NMT2: variants seen among roughly 807,000 people sequenced by gnomAD.
NMT2 encodes the protein N-myristoyltransferase 2.
Under a neutral mutation model 65.4 loss-of-function variants are expected in NMT2, and 35 were observed. That is an observed-to-expected ratio of 0.54 (90% CI 0.41 to 0.71). The LOEUF is 0.71. NMT2 is among the 30% of genes least tolerant of loss of function. The pLI is 0.00. For missense variants in NMT2, 489 were observed against 611.3 expected (o/e 0.80, Z 2.11); for synonymous variants, 226 against 231.8 (o/e 0.98, Z 0.23).
Position 15,130,297 on chromosome 10 carries a change from T to C in NMT2, c.735A>G (p.Val245=), listed in dbSNP as rs1846233195. 3 of 1,590,490 alleles carry C rather than the reference T, an allele frequency of 1.9e-6. No homozygotes were observed. Among genetic ancestry groups the C allele is most frequent in the Non-Finnish European group, 2.6e-6 (3 of 1,167,752 alleles). ...TATGAACACAAAGAAAGTTGATTTC[T>C]ACCATCTTCTTCACACTAAGAAATA... is the stretch of plus-strand genomic sequence containing the variant. ...IRIYDSVKKM[V]EINFLCVHKK... Residue 245 remains valine, a synonymous_variant, in exon 7 of 12, where the codon GTA becomes GTG. Transcript: ENST00000378165.
In NMT2 at chr10:15,109,044, G is replaced by A. The variant is rs1227597918; in HGVS notation, c.*151C>T. 2.0e-6 allele frequency: 3 copies of A among 1,487,686 alleles called. No individual in the cohort carries two copies. Among genetic ancestry groups the A allele is most frequent in the African/African-American group, 2.9e-5 (2 of 69,488 alleles). The allele number at this position is 1,487,686 out of a possible 1,614,324, so 92.2% of individuals were successfully genotyped here. A position where few individuals can be genotyped will look rare whatever the true frequency, so the allele number is the denominator to read the frequency against. ...ACATTCTAGCTAGAAACGTACAAAT[G>A]TCACATGTGGACTTTTGTCATCTTT... On this transcript the variant is annotated 3_prime_UTR_variant, in exon 12 of 12. Transcript: ENST00000378165.
At position 15,141,421 on chromosome 10, in the gene NMT2, C is replaced by T. The variant is rs1192386852; in HGVS notation, c.246+1G>A. 6.2e-7 allele frequency: 1 copy of T among 1,613,802 alleles called. No individual in the cohort carries two copies. Among genetic ancestry groups the T allele is most frequent in the Non-Finnish European group, 8.5e-7 (1 of 1,179,994 alleles). On this transcript the variant is annotated splice_donor_variant, in intron 2 of 11. Transcript: ENST00000378165. LOFTEE classifies it high-confidence loss of function. The stretch of plus-strand genomic sequence containing the variant: ...AGGAAAAAATAAAACAGAGCTCTCA[C>T]TTTCGAAGGCTGCTGAATTTTAATC...
chr10:15,155,137 G>A (rs778599552), intron 1 of NMT2: 3 of 1,506,130 alleles, frequency 2.0e-6, no homozygotes, highest in South Asian at 2.2e-5. Flanking sequence ...TCACCACCCT[G>A]ACACAAAAGC....
chr10:15,135,663 C>T (rs1227032436), intron 2 of NMT2, among the ~76,000 whole-genome samples: 1 of 152,090 alleles, frequency 6.6e-6, no homozygotes, highest in African/African-American at 2.4e-5. Context: ...AATTGAAGCA[C>T]GCTTTGCTTC....
chr10:15,161,108 A>C (rs928648792), intron 1 of NMT2, among the ~76,000 whole-genome samples: 5 of 150,026 alleles, frequency 3.3e-5, no homozygotes, highest in African/African-American at 9.8e-5. Flanking sequence ...AAAAAAAAAA[A>C]AACACAAAGA....
intron 1 of NMT2, among the ~76,000 whole-genome samples, chr10:15,152,772 A>C (rs1832847420): frequency 1.3e-5 from 2 of 152,244 alleles, no homozygotes; most frequent in Non-Finnish European, 2.9e-5. Flanking sequence ...AGGGAGGGTT[A>C]GTGAAGGAAG....
At chr10:15,128,183 C>T (rs1471440961) in intron 8 of NMT2, among the ~76,000 whole-genome samples, 167 bp downstream of exon 8, 1 of 152,244 alleles carries the variant, frequency 6.6e-6, no homozygotes, top group Non-Finnish European at 1.5e-5. Flanking sequence ...CATTTCCAAA[C>T]AAACTCCCTA....
intron 1 of NMT2, among the ~76,000 whole-genome samples, chr10:15,143,521 C>T (rs1223010101): frequency 6.6e-6 from 1 of 152,214 alleles, no homozygotes; most frequent in Non-Finnish European, 1.5e-5. Context: ...AAGTAGATGC[C>T]TATCCAACTG....
chr10:15,106,018 A>G lies in NMT2; in HGVS notation c.*3177T>C. On this transcript the variant is annotated 3_prime_UTR_variant, in exon 12 of 12. Transcript: ENST00000378165. ...CAGTTATTTATTTTACTTTCGAGATAGAGTCTCACTCTGTTGCCCAGGCTG... is the reference window on the plus strand; with the variant it reads ...CAGTTATTTATTTTACTTTCGAGATGGAGTCTCACTCTGTTGCCCAGGCTG... 4.8e-6 allele frequency: 2 copies of G among 416,850 alleles called. No individual in the cohort carries two copies. The highest frequency in any genetic ancestry group is 9.4e-6 in the Non-Finnish European group (2 of 212,058). 25.8% of individuals were successfully genotyped at this position (416,850 alleles called of 1,614,324 possible).
At chr10:15,141,043 T>C in intron 2 of NMT2, 1 of 1,549,938 alleles carries the variant, frequency 6.5e-7, no homozygotes, top group Non-Finnish European at 8.7e-7. Context: ...TTCAGGTAAT[T>C]AGACAGACAC....
chr10:15,110,387 G>A (rs1317541938), intron 10 of NMT2, among the ~76,000 whole-genome samples: 1 of 152,182 alleles, frequency 6.6e-6, no homozygotes, highest in Non-Finnish European at 1.5e-5. Flanking sequence ...GGCCAAGGTG[G>A]GAGGCTCACT....
chr10:15,150,241 G>C lies in NMT2; in HGVS notation c.111-8684C>G, dbSNP rs551398953. On this transcript the variant is annotated intron_variant, in intron 1 of 11. Transcript: ENST00000378165. ...TTATCAGGGTGTACTGGCCAAAGTT[G>C]GTCCTCATCCTGGATCAGGGGCACC... Among the ~76,000 whole-genome samples the C allele has an allele frequency of 2.6e-4, 39 of 152,328 alleles. No homozygotes were observed. The South Asian group carries it at 5.2e-3, about 20-fold the overall frequency.
chr10:15,113,077 T>C (rs1277093326), intron 9 of NMT2, 114 bp from the exon 10 acceptor site: 1 of 1,124,364 alleles, frequency 8.9e-7, no homozygotes, highest in Non-Finnish European at 1.3e-6. Flanking sequence ...TAAGTCACAC[T>C]TCTTTCTCGG....
chr10:15,167,662 T>C (rs1833419792), intron 1 of NMT2, among the ~76,000 whole-genome samples: 1 of 152,192 alleles, frequency 6.6e-6, no homozygotes, highest in African/African-American at 2.4e-5. Flanking sequence ...AAAGAGAGCA[T>C]CAACACCGGC....
chr10:15,125,190 G>A (rs186909037), intron 8 of NMT2, among the ~76,000 whole-genome samples: 1 of 152,170 alleles, frequency 6.6e-6, no homozygotes, highest in East Asian at 1.9e-4. Context: ...AGGTTGCTGT[G>A]AGAATAAATT....
At position 15,168,604 on chromosome 10, in the gene NMT2, C is replaced by T. The variant is rs1306561073; in HGVS notation, c.9G>A (p.Glu3=). 1.3e-6 allele frequency: 2 copies of T among 1,580,100 alleles called. No individual in the cohort carries two copies. Among genetic ancestry groups the T allele is most frequent in the East Asian group, 2.4e-5 (1 of 41,358 alleles). The part of the protein sequence containing the change: MA[E]DSESAASQQS... ...GCTGGCTGGCCGCAGACTCGCTGTC[C>T]TCCGCCATCGCGGCGGCGCTGGCTG... The change falls in exon 1 of 12, where the codon GAG becomes GAA. Residue 3 remains glutamate (E), a synonymous_variant. Coordinates refer to ENST00000378165, the MANE Select transcript of NMT2 (RefSeq NM_004808.3).
chr10:15,112,407 T>TTAGTAGAGACGAGGTTTCACCATATTA (rs1461243914), intron 10 of NMT2, among the ~76,000 whole-genome samples: 1 of 150,238 alleles, frequency 6.7e-6, no homozygotes, highest in Non-Finnish European at 1.5e-5. Flanking sequence ...TTTTGTATTT[T>TTAGTAGAGACGAGGTTTCACCATATTA]TAGTAGAGAC....
chr10:15,144,568 A>T (rs1027124900), intron 1 of NMT2, among the ~76,000 whole-genome samples: 1 of 152,122 alleles, frequency 6.6e-6, no homozygotes, highest in Non-Finnish European at 1.5e-5. Context: ...CGTCTCTACT[A>T]AAAATACAAA....
chr10:15,168,326 C>A, intron 1 of NMT2, 177 bp downstream of exon 1: 1 of 473,030 alleles, frequency 2.1e-6, no homozygotes, highest in Non-Finnish European at 3.7e-6. Context: ...CCGCGCACTG[C>A]ACTCTCCCGC....
Sources: allele counts gnomAD v4.1 joint callset (sites outside exome capture counted in the v4.1 genomes callset), GRCh38; gene constraint gnomAD v4.1.1; transcripts MANE v1.5; gene names NCBI Gene and HGNC (gene_info 2026-07-23, HGNC 2026-07-21).